EMCN: variants seen among roughly 807,000 people sequenced by gnomAD.
EMCN encodes the protein endomucin.
EMCN carries 37 observed loss-of-function variants against 38.4 expected under a neutral mutation model. The observed-to-expected ratio is 0.96, with a 90% CI of 0.74 to 1.27. The LOEUF (loss-of-function observed/expected upper bound fraction) is 1.27. Among genes scored for constraint, EMCN ranks in the 50% most tolerant of loss-of-function variants. The pLI is 0.00. For synonymous variants in EMCN, 95 were observed against 100.8 expected, an observed-to-expected ratio of 0.94 and a Z score of 0.35; for missense variants, 318 against 302.8, an observed-to-expected ratio of 1.05 and a Z score of -0.37.
intron 1 of EMCN, among the ~76,000 whole-genome samples, chr4:100,485,400 A>G (rs2110286489): frequency 6.6e-6 from 1 of 152,216 alleles, no homozygotes; most frequent in South Asian, 2.1e-4. Flanking sequence ...ACAAAAATGT[A>G]CTTCTTAAGT....
In EMCN at chr4:100,436,751, G is replaced by A. The variant is rs115737659; in HGVS notation, c.415+10782C>T. Among the ~76,000 whole-genome samples the A allele has an allele frequency of 2.7e-3, 413 of 152,148 alleles. 2 individuals carry two copies. Among genetic ancestry groups the A allele is most frequent in the African/African-American group, 9.3e-3 (387 of 41,520 alleles). On this transcript the variant is annotated intron_variant, in intron 5 of 11. Coordinates refer to ENST00000296420, the MANE Select transcript of EMCN (RefSeq NM_016242.4). ...CTGGAAGCCATTATCCTCAGCAAAC[G>A]AATGCAGAAACAGAAAACCAAACAC...
intron 1 of EMCN, 126 bp downstream of exon 1, chr4:100,517,725 A>G: frequency 1.2e-6 from 1 of 857,928 alleles, no homozygotes; most frequent in Non-Finnish European, 2.0e-6. Flanking sequence ...ACATCCAAAC[A>G]CTCAACTCAT....
intron 3 of EMCN, among the ~76,000 whole-genome samples, chr4:100,466,551 T>C (rs1728321747): frequency 1.3e-5 from 2 of 152,204 alleles, no homozygotes; most frequent in Admixed American, 1.3e-4. Context: ...GGAATTAGTG[T>C]GCAAACAAAA....
chr4:100,469,579 T>C (rs1219250869), intron 3 of EMCN, among the ~76,000 whole-genome samples: 1 of 62,508 alleles, frequency 1.6e-5, no homozygotes, highest in African/African-American at 3.2e-5. Flanking sequence ...TTAATTTAAG[T>C]CTTTAATCTA....
rs182346521 is a variant in EMCN, at chr4:100,475,926, G to A, written c.188-817C>T. ...CTCGATCTCATGATCCTCCCACCTC[G>A]GCCTCCCAAAATGCTGGGATTACAG... On this transcript the variant is annotated intron_variant, in intron 2 of 11. Transcript: ENST00000296420. Among the ~76,000 whole-genome samples the A allele has an allele frequency of 8.1e-3, 1,235 of 151,702 alleles. 2 individuals are homozygous for A. The highest frequency in any genetic ancestry group is 0.015 in the South Asian group (70 of 4,800).
chr4:100,459,764 T>C (rs928703131), intron 4 of EMCN, among the ~76,000 whole-genome samples: 1 of 152,344 alleles, frequency 6.6e-6, no homozygotes, highest in Non-Finnish European at 1.5e-5. Flanking sequence ...TTTTCCTTTT[T>C]CTTTCCAGGC....
chr4:100,500,070 A>G (rs140784348), intron 1 of EMCN, among the ~76,000 whole-genome samples: 154 of 152,280 alleles, frequency 1.0e-3, no homozygotes, highest in African/African-American at 3.6e-3. Context: ...CAAATAGTGT[A>G]CAAAGAATAA....
Position 100,484,578 on chromosome 4 carries a change from T to C in EMCN, c.65-4539A>G, listed in dbSNP as rs17030163. Among the ~76,000 whole-genome samples, 1,493 of 152,210 alleles carry C rather than the reference T, an allele frequency of 9.8e-3. 25 individuals carry two copies. The highest frequency in any genetic ancestry group is 0.034 in the African/African-American group (1,409 of 41,542). On this transcript the variant is annotated intron_variant, in intron 1 of 11. Coordinates refer to ENST00000296420, the MANE Select transcript of EMCN (RefSeq NM_016242.4). Reference sequence around the variant, plus strand: ...TCAGAGTTTTTATCCATTCTTATAATGAGTAGTGCTCTCTCCAGCTATCTT... The same window carrying C: ...TCAGAGTTTTTATCCATTCTTATAACGAGTAGTGCTCTCTCCAGCTATCTT...
Position 100,480,662 on chromosome 4 carries a change from A to G in EMCN, c.65-623T>C, listed in dbSNP as rs568878878. ...AAATTCAACAACTGCAACATACTTA[A>G]AAGTAATAGGGCCACCATAAATCCA... On this transcript the variant is annotated intron_variant, in intron 1 of 11. Transcript: ENST00000296420. Among the ~76,000 whole-genome samples the G allele has an allele frequency of 5.9e-5, 9 of 152,020 alleles. No individual in the cohort carries two copies. The South Asian group carries it at 1.7e-3, about 28-fold the overall frequency.
intron 1 of EMCN, among the ~76,000 whole-genome samples, chr4:100,489,063 T>C (rs1460797417): frequency 6.6e-6 from 1 of 152,190 alleles, no homozygotes. Flanking sequence ...GTATCTCCAT[T>C]TTATAGATGG....
intron 1 of EMCN, among the ~76,000 whole-genome samples, chr4:100,491,586 C>T (rs987933635): frequency 6.6e-6 from 1 of 152,206 alleles, no homozygotes; most frequent in African/African-American, 2.4e-5. Context: ...TGATCAGCAA[C>T]TCCACCTAAC....
chr4:100,470,009 G>A (rs1401059462), intron 3 of EMCN, among the ~76,000 whole-genome samples: 2 of 151,706 alleles, frequency 1.3e-5, no homozygotes, highest in African/African-American at 4.8e-5. Flanking sequence ...GAAGACACCA[G>A]AAATAATTGC....
chr4:100,418,947 T>C (rs1324001578), intron 8 of EMCN, among the ~76,000 whole-genome samples: 1 of 152,034 alleles, frequency 6.6e-6, no homozygotes, highest in African/African-American at 2.4e-5. Flanking sequence ...GTATTTTTAG[T>C]TTTTTTGAGG....
intron 10 of EMCN, among the ~76,000 whole-genome samples, chr4:100,411,666 CT>C (rs1233208418): frequency 4.0e-5 from 6 of 151,870 alleles, no homozygotes; most frequent in Non-Finnish European, 7.4e-5. Context: ...GTTTTAAATT[CT>C]TTTTTATTCT....
intron 5 of EMCN, among the ~76,000 whole-genome samples, chr4:100,444,272 T>C (rs1260497435): frequency 6.6e-6 from 1 of 152,200 alleles, no homozygotes; most frequent in Non-Finnish European, 1.5e-5. Flanking sequence ...AGAAATCATG[T>C]CCATATGGGT....
intron 4 of EMCN, 65 bp from the exon 5 acceptor site, chr4:100,447,636 C>A: frequency 9.6e-7 from 1 of 1,040,012 alleles, no homozygotes; most frequent in Non-Finnish European, 1.5e-6. Flanking sequence ...TCTATTCTCA[C>A]AATTGTTTCA....
At chr4:100,512,786 A>G (rs2110312632) in intron 1 of EMCN, among the ~76,000 whole-genome samples, 1 of 151,452 alleles carries the variant, frequency 6.6e-6, no homozygotes, top group Non-Finnish European at 1.5e-5. Flanking sequence ...AGCCTGGGCA[A>G]CAAGAGCAAA....
chr4:100,436,570 A>G (rs1357378765), intron 5 of EMCN, among the ~76,000 whole-genome samples: 1 of 152,194 alleles, frequency 6.6e-6, no homozygotes, highest in Non-Finnish European at 1.5e-5. Context: ...GCATATGTTC[A>G]TTGCAGCACT....
At chr4:100,509,102 A>G (rs1408284586) in intron 1 of EMCN, among the ~76,000 whole-genome samples, 1 of 152,212 alleles carries the variant, frequency 6.6e-6, no homozygotes, top group East Asian at 1.9e-4. Context: ...AATATCACCT[A>G]TGTGCCCAAA....
Sources: allele counts gnomAD v4.1 joint callset (sites outside exome capture counted in the v4.1 genomes callset), GRCh38; gene constraint gnomAD v4.1.1; transcripts MANE v1.5; gene names NCBI Gene and HGNC (gene_info 2026-07-23, HGNC 2026-07-21).